Variants in TENT2 observed in about 807,000 individuals in gnomAD.
TENT2 encodes terminal nucleotidyltransferase 2.
TENT2 carries 44 observed loss-of-function variants against 72.2 expected under a neutral mutation model. The observed-to-expected ratio is 0.61, with a 90% confidence interval of 0.48 to 0.78. TENT2 has a LOEUF of 0.78. TENT2 is among the 30% of genes least tolerant of loss of function. TENT2 has a pLI of 0.00. For synonymous variants in TENT2, 212 were observed against 192.5 expected (o/e 1.10, Z -0.84); for missense variants, 541 against 569.6 (o/e 0.95, Z 0.51).
At chr5:79,642,932 TTTG>T in intron 7 of TENT2, 22 bp downstream of exon 7, 3 of 1,605,220 alleles carry the variant, frequency 1.9e-6, no homozygotes, top group Non-Finnish European at 2.5e-6. Context: ...ATGCCTCAAG[TTTG>T]TATGTCACCT....
At chr5:79,632,057 G>A (rs138036929) in intron 4 of TENT2, among the ~76,000 whole-genome samples, 3 of 152,316 alleles carry the variant, frequency 2.0e-5, no homozygotes, top group African/African-American at 2.4e-5. Flanking sequence ...GAGAATAGTG[G>A]AGAATGTTTG....
chr5:79,618,074 A>G (rs1761810398), intron 1 of TENT2, among the ~76,000 whole-genome samples: 1 of 151,984 alleles, frequency 6.6e-6, no homozygotes, highest in African/African-American at 2.4e-5. Context: ...TAGATCACAT[A>G]GTTTAATACT....
At chr5:79,631,639 T>C (rs1243325110) in intron 4 of TENT2, among the ~76,000 whole-genome samples, 3 of 152,212 alleles carry the variant, frequency 2.0e-5, no homozygotes, top group Non-Finnish European at 2.9e-5. Context: ...TTGGGACATT[T>C]GGCAGTGAAA....
At chr5:79,671,127 G>T (rs567188391) in intron 12 of TENT2, among the ~76,000 whole-genome samples, 4 of 152,220 alleles carry the variant, frequency 2.6e-5, no homozygotes, top group African/African-American at 9.6e-5. Flanking sequence ...CAAGATAGTG[G>T]ATGTGTAGGT....
Position 79,688,209 on chromosome 5 carries a change from A to G in TENT2, c.*2936A>G, listed in dbSNP as rs1350796670. 2.6e-5 allele frequency among the ~76,000 whole-genome samples: 4 copies of G among 152,228 alleles called. No individual in the cohort carries two copies. The highest frequency in any genetic ancestry group is 4.4e-5 in the Non-Finnish European group (3 of 68,042). On this transcript the variant is annotated 3_prime_UTR_variant, in exon 15 of 15. Transcript: ENST00000453514. ...ATATTTAACAACTCTGTGACTTGCT[A>G]TAATTAAAAATAAATGTTAACTCTT...
intron 12 of TENT2, among the ~76,000 whole-genome samples, chr5:79,673,338 T>G (rs1448562352): frequency 1.3e-5 from 2 of 152,176 alleles, no homozygotes; most frequent in Non-Finnish European, 2.9e-5. Flanking sequence ...TGCCTGTGCT[T>G]GTGGAGTATT....
At chr5:79,669,120 T>TCCTG in intron 12 of TENT2, 92 bp downstream of exon 12, 1 of 1,420,706 alleles carries the variant, frequency 7.0e-7, no homozygotes, top group Non-Finnish European at 9.5e-7. Flanking sequence ...AAGTAAATGC[T>TCCTG]ACAGATTTAG....
intron 7 of TENT2, among the ~76,000 whole-genome samples, chr5:79,643,795 A>G (rs1786381706): frequency 1.3e-5 from 2 of 152,152 alleles, no homozygotes; most frequent in South Asian, 4.1e-4. Flanking sequence ...TGTAATTCAC[A>G]TGAATTTTTT....
At chr5:79,626,855 G>C (rs1280549790) in intron 4 of TENT2, among the ~76,000 whole-genome samples, 1 of 151,780 alleles carries the variant, frequency 6.6e-6, no homozygotes, top group Non-Finnish European at 1.5e-5. Flanking sequence ...CTTTTTGCTG[G>C]GTGTGGTGGC....
At chr5:79,679,546 T>G in intron 12 of TENT2, 33 bp from the exon 13 acceptor site, 1 of 1,437,800 alleles carries the variant, frequency 7.0e-7, no homozygotes, top group Non-Finnish European at 9.5e-7. Context: ...ATTATGAAAA[T>G]AGTTAACATG....
At chr5:79,619,971 G>T in intron 2 of TENT2, 23 bp from the exon 3 acceptor site, 1 of 1,550,158 alleles carries the variant, frequency 6.5e-7, no homozygotes, top group Non-Finnish European at 8.8e-7. Flanking sequence ...ATAAATTACT[G>T]TTCTTTTCTT....
At chr5:79,649,300 A>G (rs1791690104) in intron 10 of TENT2, 110 bp downstream of exon 10, 2 of 997,808 alleles carry the variant, frequency 2.0e-6, no homozygotes, top group Non-Finnish European at 1.4e-6. Context: ...AGTTCTTTCT[A>G]AGGTCCATGA....
At chr5:79,613,975 A>G (rs534366674) in intron 1 of TENT2, 1 of 152,126 alleles carries the variant, frequency 6.6e-6, no homozygotes, top group Admixed American at 6.5e-5. Context: ...AAGGAATTAT[A>G]TATAACCTTG....
chr5:79,619,737 A>G lies in TENT2; in HGVS notation c.89A>G (p.Tyr30Cys). The G allele has an allele frequency of 1.2e-6, 2 of 1,613,906 alleles. No homozygotes were observed. The highest frequency in any genetic ancestry group is 1.7e-6 in the Non-Finnish European group (2 of 1,179,850). Reference protein sequence around the residue: ...NNFFTLSPTVYSHQQLIDAQF... With the variant: ...NNFFTLSPTVCSHQQLIDAQF... ...TTCTTTACCCTGTCACCTACTGTTT[A>G]TTCACACCAGCAGCTTATAGATGCA... Residue 30 changes from tyrosine (Y) to cysteine (C), a missense_variant, in exon 2 of 15, where the codon TAT becomes TGT. By Grantham distance (194) the Tyr-to-Cys change is radical (BLOSUM62 -2). Transcript: ENST00000453514.
intron 12 of TENT2, among the ~76,000 whole-genome samples, chr5:79,674,852 G>C (rs1196096402): frequency 6.6e-6 from 1 of 152,200 alleles, no homozygotes; most frequent in African/African-American, 2.4e-5. Flanking sequence ...CCAATGGAAT[G>C]TGGTATCTTG....
chr5:79,625,318 A>T (rs1580224417), intron 4 of TENT2, among the ~76,000 whole-genome samples: 2 of 152,286 alleles, frequency 1.3e-5, no homozygotes, highest in East Asian at 3.9e-4. Flanking sequence ...TTATCAGATA[A>T]TGACTTGTGA....
chr5:79,685,319 T>C lies in TENT2; in HGVS notation c.*46T>C. The C allele has an allele frequency of 7.3e-7, 1 of 1,373,790 alleles. No individual in the cohort carries two copies. Among genetic ancestry groups the C allele is most frequent in the Non-Finnish European group, 1.0e-6 (1 of 991,780 alleles). 85.1% of individuals were successfully genotyped at this position (1,373,790 alleles called of 1,614,324 possible). ...AATTCTTCCAAGAAATAAAGAACAATAGTTTCATCATAATACATTATGTTT... is the reference window on the plus strand; with the variant it reads ...AATTCTTCCAAGAAATAAAGAACAACAGTTTCATCATAATACATTATGTTT... On this transcript the variant is annotated 3_prime_UTR_variant, in exon 15 of 15. Coordinates refer to ENST00000453514, the MANE Select transcript of TENT2 (RefSeq NM_001114394.3).
chr5:79,659,558 ATATATATATAT>A (rs1800881716), intron 11 of TENT2, among the ~76,000 whole-genome samples: 1 of 52,292 alleles, frequency 1.9e-5, no homozygotes, highest in Admixed American at 1.8e-4. Flanking sequence ...AAAAAAATGT[ATATATATATAT>A]ATATATATAT....
chr5:79,675,856 G>A (rs1816872033), intron 12 of TENT2, among the ~76,000 whole-genome samples: 2 of 152,070 alleles, frequency 1.3e-5, no homozygotes, highest in Non-Finnish European at 2.9e-5. Flanking sequence ...GTCAGAGCTG[G>A]AAAAAGGATT....
Sources: allele counts gnomAD v4.1 joint callset (sites outside exome capture counted in the v4.1 genomes callset), GRCh38; gene constraint gnomAD v4.1.1; transcripts MANE v1.5; gene names NCBI Gene and HGNC (gene_info 2026-07-23, HGNC 2026-07-21).